The following SHISA9 variants were observed in gnomAD, a reference collection of about 807,000 sequenced individuals.
SHISA9 encodes shisa family member 9, also known as protein shisa-9.
Under a neutral mutation model 38.0 loss-of-function variants are expected in SHISA9, and 13 were observed. That is an observed-to-expected ratio of 0.34 (90% CI 0.22 to 0.54). SHISA9 has a LOEUF of 0.54. Among genes scored for constraint, SHISA9 ranks in the 20% least tolerant of loss-of-function variants. The probability of loss-of-function intolerance (pLI) is 0.91; values close to 1 mark genes in which losing one functional copy is unlikely to be tolerated. For synonymous variants in SHISA9, 275 were observed against 242.0 expected (o/e 1.14, Z -1.27); for missense variants, 538 against 575.8 (o/e 0.93, Z 0.67).
the SHISA9 span, among the ~76,000 whole-genome samples, chr16:13,290,894 G>A: frequency 1.4e-4 from 22 of 152,150 alleles, no homozygotes; most frequent in African/African-American, 5.3e-4. Flanking sequence ...GTTGTTGACT[G>A]GGCCGGGACT....
chr16:12,991,722 A>G (rs989683023), intron 2 of SHISA9, among the ~76,000 whole-genome samples: 1 of 152,198 alleles, frequency 6.6e-6, no homozygotes, highest in African/African-American at 2.4e-5. Flanking sequence ...AGAATGGCAC[A>G]ATTTTAAGAG....
chr16:13,105,027 G>A (rs2073913050), intron 2 of SHISA9, among the ~76,000 whole-genome samples: 1 of 152,038 alleles, frequency 6.6e-6, no homozygotes. Flanking sequence ...TAGGGTTGTT[G>A]TAAAAATTGA....
the SHISA9 span, among the ~76,000 whole-genome samples, chr16:13,466,584 T>A: frequency 0.34 from 51,488 of 151,990 alleles, 8,981 homozygotes; most frequent in African/African-American, 0.42. Flanking sequence ...GTTGTTTTTT[T>A]AAAAAAAGTA....
At chr16:13,168,301 T>A (rs557278451) in intron 2 of SHISA9, among the ~76,000 whole-genome samples, 1 of 152,280 alleles carries the variant, frequency 6.6e-6, no homozygotes, top group East Asian at 1.9e-4. Flanking sequence ...AACCTGTAAG[T>A]CCAGTAGCTT....
the SHISA9 span, among the ~76,000 whole-genome samples, chr16:13,394,046 C>A: frequency 6.6e-6 from 1 of 152,224 alleles, no homozygotes; most frequent in African/African-American, 2.4e-5. Flanking sequence ...ATGTGACTTG[C>A]CTTGGCGGAT....
At chr16:13,387,575 C>T in the SHISA9 span, among the ~76,000 whole-genome samples, 1 of 151,856 alleles carries the variant, frequency 6.6e-6, no homozygotes, top group Non-Finnish European at 1.5e-5. Context: ...CTGCAACCCT[C>T]GCCTCCTGGG....
At chr16:12,938,274 A>G (rs1421703944) in intron 2 of SHISA9, among the ~76,000 whole-genome samples, 6 of 152,168 alleles carry the variant, frequency 3.9e-5, no homozygotes. Context: ...TTGAGACCAT[A>G]GTGGGGCTAT....
the SHISA9 span, among the ~76,000 whole-genome samples, chr16:13,443,907 GTAGAAGTCCAGCC>G: frequency 1.3e-5 from 2 of 152,126 alleles, no homozygotes; most frequent in African/African-American, 4.8e-5. Context: ...CTTGTACAAA[GTAGAAGTCCAGCC>G]TAGAAGTCCA....
intron 4 of SHISA9, among the ~76,000 whole-genome samples, chr16:13,230,989 GT>G (rs980079540): frequency 1.3e-5 from 2 of 152,124 alleles, no homozygotes; most frequent in African/African-American, 2.4e-5. Context: ...ACTGCAACCT[GT>G]TTTTTCAGCA....
At chr16:13,021,218 T>A (rs2072849714) in intron 2 of SHISA9, among the ~76,000 whole-genome samples, 1 of 152,198 alleles carries the variant, frequency 6.6e-6, no homozygotes, top group South Asian at 2.1e-4. Flanking sequence ...TTTGGAGACA[T>A]TTTTTATTGT....
intron 2 of SHISA9, among the ~76,000 whole-genome samples, chr16:13,172,265 T>C (rs17243899): frequency 0.26 from 39,222 of 152,142 alleles, 5,178 homozygotes; most frequent in Middle Eastern, 0.38. Flanking sequence ...ATGCTTGGTT[T>C]TGCAGAGACA....
chr16:13,143,210 A>G (rs2050417843), intron 2 of SHISA9, among the ~76,000 whole-genome samples: 1 of 151,858 alleles, frequency 6.6e-6, no homozygotes, highest in South Asian at 2.1e-4. Flanking sequence ...GGGTTTCACC[A>G]TGTTGGCCAG....
chr16:13,298,595 G>C, the SHISA9 span, among the ~76,000 whole-genome samples: 1 of 152,162 alleles, frequency 6.6e-6, no homozygotes, highest in African/African-American at 2.4e-5. Context: ...AAGTGCTGGA[G>C]TCAGGATTTG....
At chr16:13,056,024 C>T (rs1034067744) in intron 2 of SHISA9, among the ~76,000 whole-genome samples, 1 of 152,174 alleles carries the variant, frequency 6.6e-6, no homozygotes, top group Non-Finnish European at 1.5e-5. Flanking sequence ...GTGGCAGATC[C>T]GCCTCTGTCA....
At chr16:13,175,699 G>C (rs1285504886) in intron 2 of SHISA9, among the ~76,000 whole-genome samples, 1 of 152,244 alleles carries the variant, frequency 6.6e-6, no homozygotes, top group Non-Finnish European at 1.5e-5. Flanking sequence ...TGAGCACATT[G>C]GGTGGGATGA....
chr16:13,173,546 T>TG (rs1364942672), intron 2 of SHISA9, among the ~76,000 whole-genome samples: 1 of 152,190 alleles, frequency 6.6e-6, no homozygotes, highest in African/African-American at 2.4e-5. Context: ...AGTTCTTAAC[T>TG]GGGGGCAATT....
intron 2 of SHISA9, among the ~76,000 whole-genome samples, chr16:13,025,069 A>AT (rs2072904338): frequency 6.6e-6 from 1 of 151,838 alleles, no homozygotes; most frequent in South Asian, 2.1e-4. Flanking sequence ...TTCCTCTTGG[A>AT]TTTTTTTCTG....
At chr16:13,077,248 T>C (rs1200665128) in intron 2 of SHISA9, among the ~76,000 whole-genome samples, 3 of 152,104 alleles carry the variant, frequency 2.0e-5, no homozygotes, top group Non-Finnish European at 4.4e-5. Context: ...TTCTTCTTTT[T>C]TTTTTTTAAC....
intron 3 of SHISA9, among the ~76,000 whole-genome samples, chr16:13,205,532 C>T (rs988245605): frequency 6.6e-6 from 1 of 152,180 alleles, no homozygotes; most frequent in African/African-American, 2.4e-5. Context: ...TCTGTGTAGC[C>T]TTGGGCAACA....
Sources: gnomAD v4.1 joint callset for allele counts (sites outside exome capture counted in the v4.1 genomes callset) on GRCh38, gnomAD v4.1.1 for gene constraint, MANE v1.5 for transcripts, NCBI Gene and HGNC (gene_info 2026-07-23, HGNC 2026-07-21) for gene names.